CADPS2: variants seen among roughly 807,000 people sequenced by gnomAD.
CADPS2 encodes calcium dependent secretion activator 2.
Under a neutral mutation model 172.5 loss-of-function variants are expected in CADPS2, and 93 were observed. That is an observed-to-expected ratio of 0.54 (90% CI 0.46 to 0.64). The LOEUF (loss-of-function observed/expected upper bound fraction) is 0.64, where lower values mean the gene tolerates loss of function less well. Among genes scored for constraint, CADPS2 ranks in the 30% least tolerant of loss-of-function variants. CADPS2 has a pLI of 0.00. For synonymous variants in CADPS2, 546 were observed against 555.2 expected (o/e 0.98, Z 0.23); for missense variants, 1,420 against 1,565.9 (o/e 0.91, Z 1.57).
At position 122,736,972 on chromosome 7, in the gene CADPS2, C is replaced by G. The variant is rs1488807510; in HGVS notation, c.436G>C (p.Val146Leu). 1 of 1,605,922 alleles carries G rather than the reference C, an allele frequency of 6.2e-7. No individual in the cohort carries two copies. Among genetic ancestry groups the G allele is most frequent in the Non-Finnish European group, 8.5e-7 (1 of 1,172,872 alleles). Residue 146 changes from valine (V) to leucine (L), a missense_variant, in exon 2 of 30, where the codon GTT becomes CTT. Transcript: ENST00000449022. Reference protein sequence around the residue: ...IVADEAFCNAVRSYYEVFLKS... With the variant: ...IVADEAFCNALRSYYEVFLKS... ...AAACTTACCTCATAATAACTCCGAA[C>G]TGCGTTGCAAAATGCTTCGTCAGCT...
intron 2 of CADPS2, among the ~76,000 whole-genome samples, chr7:122,710,984 C>A: frequency 6.6e-6 from 1 of 152,088 alleles, no homozygotes; most frequent in East Asian, 1.9e-4. Context: ...AGTACTTTCT[C>A]TTCAAAATAT....
chr7:122,749,229 TA>T (rs1341394898), intron 1 of CADPS2, among the ~76,000 whole-genome samples: 1 of 152,016 alleles, frequency 6.6e-6, no homozygotes, highest in East Asian at 1.9e-4. Context: ...AATCAATGGG[TA>T]AGGGAAATGG....
chr7:122,691,876 CA>C (rs1474194812), intron 2 of CADPS2, among the ~76,000 whole-genome samples: 1 of 152,184 alleles, frequency 6.6e-6, no homozygotes, highest in East Asian at 1.9e-4. Context: ...AGTGGACAAG[CA>C]GACAGCCAAG....
chr7:122,478,750 G>A (rs1015636478), intron 12 of CADPS2, among the ~76,000 whole-genome samples: 2 of 152,058 alleles, frequency 1.3e-5, no homozygotes, highest in Non-Finnish European at 2.9e-5. Flanking sequence ...GGCACTGACC[G>A]CCACCTGCCC....
intron 9 of CADPS2, among the ~76,000 whole-genome samples, chr7:122,507,267 C>T (rs1438887738): frequency 6.6e-6 from 1 of 151,952 alleles, no homozygotes; most frequent in Non-Finnish European, 1.5e-5. Flanking sequence ...ATGAGCCATG[C>T]ATGGGGAAAA....
rs546975525 is a variant in CADPS2, at chr7:122,692,199, C to T, written c.454-28630G>A. ...TTGCACTAAGTCTGTACATGACTGC[C>T]GACATTACTTGCTTGACTCCCGCAA... On this transcript the variant is annotated intron_variant, in intron 2 of 29. Transcript: ENST00000449022. Among the ~76,000 whole-genome samples the T allele has an allele frequency of 4.6e-5, 7 of 152,214 alleles. No individual in the cohort carries two copies. In the East Asian group the frequency reaches 7.8e-4, roughly 17 times the overall value.
intron 9 of CADPS2, among the ~76,000 whole-genome samples, chr7:122,496,121 C>T (rs1354703754): frequency 3.3e-5 from 5 of 151,960 alleles, no homozygotes; most frequent in Admixed American, 2.6e-4. Flanking sequence ...TTAATTTCTG[C>T]CATCTTTCTT....
chr7:122,396,051 C>T (rs1394317529), intron 20 of CADPS2, among the ~76,000 whole-genome samples: 1 of 152,152 alleles, frequency 6.6e-6, no homozygotes. Context: ...CTCAGGTGAT[C>T]CACCCGCCTC....
intron 6 of CADPS2, among the ~76,000 whole-genome samples, chr7:122,614,950 T>C (rs1012932658): frequency 6.6e-6 from 1 of 152,198 alleles, no homozygotes; most frequent in African/African-American, 2.4e-5. Flanking sequence ...AGCTTTGCAT[T>C]TGCATGTTGG....
chr7:122,487,703 T>C (rs779507929), intron 11 of CADPS2, among the ~76,000 whole-genome samples: 4 of 152,190 alleles, frequency 2.6e-5, no homozygotes, highest in Admixed American at 6.5e-5. Flanking sequence ...TTTGAATAAA[T>C]GAAAGGATAT....
intron 2 of CADPS2, among the ~76,000 whole-genome samples, chr7:122,697,333 CTATAAA>C (rs1206468900): frequency 6.6e-6 from 1 of 152,090 alleles, no homozygotes; most frequent in Non-Finnish European, 1.5e-5. Flanking sequence ...CTAAGACATA[CTATAAA>C]TATGTTATCA....
chr7:122,365,334 T>C lies in CADPS2; in HGVS notation c.3388-4321A>G, dbSNP rs113860464. ...CATGGCAGTGAGCAGCGACAGCACCTGTGGGATTAACCAGCTGAGGTGTAC... is the reference window on the plus strand; with the variant it reads ...CATGGCAGTGAGCAGCGACAGCACCCGTGGGATTAACCAGCTGAGGTGTAC... On this transcript the variant is annotated intron_variant, in intron 25 of 29. Coordinates refer to ENST00000449022, the MANE Select transcript of CADPS2 (RefSeq NM_017954.11). 9.0e-3 allele frequency among the ~76,000 whole-genome samples: 1,375 copies of C among 152,298 alleles called. 21 individuals are homozygous for C. Among genetic ancestry groups the C allele is most frequent in the African/African-American group, 0.032 (1,313 of 41,558 alleles).
intron 25 of CADPS2, chr7:122,368,228 C>T (rs904423898): frequency 6.6e-6 from 1 of 152,312 alleles, no homozygotes; most frequent in Non-Finnish European, 1.5e-5. Flanking sequence ...ATCTACCTGA[C>T]TTAGAGTTGC....
intron 1 of CADPS2, among the ~76,000 whole-genome samples, chr7:122,752,587 A>T (rs1280900383): frequency 6.6e-6 from 1 of 152,204 alleles, no homozygotes; most frequent in Non-Finnish European, 1.5e-5. Flanking sequence ...TAACCCAAAG[A>T]CATAGATGTG....
intron 25 of CADPS2, chr7:122,369,915 C>T (rs894870308): frequency 1.3e-5 from 2 of 152,248 alleles, no homozygotes; most frequent in Non-Finnish European, 2.9e-5. Context: ...CTGATTAATT[C>T]CCTACCCACA....
intron 1 of CADPS2, among the ~76,000 whole-genome samples, chr7:122,854,045 G>A (rs1241179678): frequency 6.6e-6 from 1 of 152,148 alleles, no homozygotes; most frequent in Non-Finnish European, 1.5e-5. Context: ...CTGCTGGAGC[G>A]ATGTCCTCGG....
At chr7:122,350,454 T>C (rs1158301052) in intron 27 of CADPS2, among the ~76,000 whole-genome samples, 1 of 152,188 alleles carries the variant, frequency 6.6e-6, no homozygotes, top group African/African-American at 2.4e-5. Flanking sequence ...TCTCCTGAAA[T>C]TTTTCAAAAG....
intron 1 of CADPS2, among the ~76,000 whole-genome samples, chr7:122,827,230 A>G (rs765171481): frequency 6.6e-6 from 1 of 152,208 alleles, no homozygotes; most frequent in Non-Finnish European, 1.5e-5. Context: ...CACTCAATAT[A>G]AAAATGATCA....
chr7:122,678,684 C>T (rs1402853555), intron 2 of CADPS2, among the ~76,000 whole-genome samples: 2 of 152,082 alleles, frequency 1.3e-5, no homozygotes, highest in Non-Finnish European at 2.9e-5. Context: ...AAAGATACCT[C>T]AAAAGGCCGA....
Sources: allele counts gnomAD v4.1 joint callset (sites outside exome capture counted in the v4.1 genomes callset), GRCh38; gene constraint gnomAD v4.1.1; transcripts MANE v1.5; gene names NCBI Gene and HGNC (gene_info 2026-07-23, HGNC 2026-07-21).